DPP10: variants seen among roughly 807,000 people sequenced by gnomAD.
The protein encoded by DPP10 is inactive dipeptidyl peptidase 10.
Under a neutral mutation model 120.9 loss-of-function variants are expected in DPP10, and 33 were observed. The observed-to-expected ratio is 0.27, with a 90% CI of 0.21 to 0.37. The LOEUF is 0.37. Ranked by LOEUF, DPP10 falls within the 10% of genes least tolerant of loss-of-function variation. The pLI is 1.00. For missense variants in DPP10, 816 were observed against 942.8 expected, an observed-to-expected ratio of 0.87 and a Z score of 1.76; for synonymous variants, 337 against 326.1, an observed-to-expected ratio of 1.03 and a Z score of -0.36.
At chr2:115,002,201 AC>A (rs1701489001) in intron 1 of DPP10, among the ~76,000 whole-genome samples, 1 of 152,078 alleles carries the variant, frequency 6.6e-6, no homozygotes, top group African/African-American at 2.4e-5. Flanking sequence ...AGACACAGAG[AC>A]CAATGCAACA....
At chr2:115,814,678 A>C in intron 19 of DPP10, 115 bp from the exon 20 acceptor site, 1 of 786,790 alleles carries the variant, frequency 1.3e-6, no homozygotes, top group Non-Finnish European at 1.8e-6. Context: ...AATTAACAGA[A>C]ATTTTAATAG....
At chr2:115,842,188 C>T in intron 25 of DPP10, 23 bp from the exon 26 acceptor site, 1 of 1,553,094 alleles carries the variant, frequency 6.4e-7, no homozygotes, top group Non-Finnish European at 8.8e-7. Context: ...AATTTGAAAT[C>T]TTCTTTCTCC....
At chr2:115,204,756 A>T (rs1333513643) in intron 1 of DPP10, among the ~76,000 whole-genome samples, 6 of 152,162 alleles carry the variant, frequency 3.9e-5, no homozygotes. Flanking sequence ...GGAGCAGTGA[A>T]TACATGAGTG....
At chr2:114,637,868 T>A (rs752724072) in intron 1 of DPP10, among the ~76,000 whole-genome samples, 12 of 151,906 alleles carry the variant, frequency 7.9e-5, no homozygotes, top group Non-Finnish European at 1.5e-4. Context: ...ACCAGTGCCA[T>A]GCTGTTTTGG....
At chr2:115,353,078 A>G (rs1226999091) in intron 3 of DPP10, among the ~76,000 whole-genome samples, 1 of 152,098 alleles carries the variant, frequency 6.6e-6, no homozygotes, top group Admixed American at 6.6e-5. Context: ...GCCTAAAACA[A>G]TTAGGTGAAC....
intron 5 of DPP10, among the ~76,000 whole-genome samples, chr2:115,567,500 A>C (rs901685241): frequency 1.3e-5 from 2 of 150,800 alleles, no homozygotes; most frequent in Middle Eastern, 3.4e-3. Context: ...TGTAGTCTGG[A>C]TATCACTCCA....
intron 5 of DPP10, among the ~76,000 whole-genome samples, chr2:115,653,812 T>C (rs1466323047): frequency 2.0e-5 from 3 of 151,902 alleles, no homozygotes; most frequent in African/African-American, 7.2e-5. Context: ...TTAGTTATTT[T>C]GGCCAATCCC....
intron 5 of DPP10, among the ~76,000 whole-genome samples, chr2:115,529,109 AGATTTTAACT>A (rs1230574844): frequency 6.6e-6 from 1 of 152,120 alleles, no homozygotes; most frequent in Non-Finnish European, 1.5e-5. Context: ...TCAAAATAAA[AGATTTTAACT>A]TGAAAAAGCT....
intron 1 of DPP10, among the ~76,000 whole-genome samples, chr2:114,681,725 ACT>A (rs988534361): frequency 2.0e-5 from 3 of 151,780 alleles, no homozygotes; most frequent in Admixed American, 6.6e-5. Flanking sequence ...CCTTTGCCTG[ACT>A]CTACGTTAGA....
At chr2:114,623,234 C>T (rs770848431) in intron 1 of DPP10, among the ~76,000 whole-genome samples, 6 of 151,942 alleles carry the variant, frequency 3.9e-5, no homozygotes, top group African/African-American at 9.7e-5. Flanking sequence ...TAATGTGCAT[C>T]GTATGTTTGT....
chr2:114,598,828 G>A (rs2105213035), intron 1 of DPP10, among the ~76,000 whole-genome samples: 1 of 151,872 alleles, frequency 6.6e-6, no homozygotes, highest in East Asian at 1.9e-4. Flanking sequence ...AGACTCTTGA[G>A]GGAAATTTTT....
At chr2:114,509,669 C>T (rs1683972865) in intron 1 of DPP10, among the ~76,000 whole-genome samples, 1 of 152,120 alleles carries the variant, frequency 6.6e-6, no homozygotes, top group South Asian at 2.1e-4. Flanking sequence ...ATTGAGAGGG[C>T]TCCTGTCTAT....
intron 1 of DPP10, among the ~76,000 whole-genome samples, chr2:114,488,239 G>C (rs147373835): frequency 3.1e-4 from 47 of 152,282 alleles, no homozygotes; most frequent in African/African-American, 1.1e-3. Context: ...GGAAGCAACG[G>C]GACAGGGGTG....
intron 1 of DPP10, among the ~76,000 whole-genome samples, chr2:115,113,427 C>T (rs560217769): frequency 2.6e-5 from 4 of 152,034 alleles, no homozygotes; most frequent in Non-Finnish European, 5.9e-5. Context: ...ATCTTAGACA[C>T]GTTTTTTGCT....
chr2:115,045,973 G>A (rs540926416), intron 1 of DPP10, among the ~76,000 whole-genome samples: 2 of 150,732 alleles, frequency 1.3e-5, no homozygotes, highest in Non-Finnish European at 2.9e-5. Context: ...GCATAAGAGA[G>A]CCATTTTGTG....
chr2:115,575,805 G>T (rs1484810826), intron 5 of DPP10, among the ~76,000 whole-genome samples: 1 of 152,096 alleles, frequency 6.6e-6, no homozygotes, highest in Non-Finnish European at 1.5e-5. Context: ...ACCCTTAAAG[G>T]CATAAGAGGA....
chr2:115,642,171 A>G (rs1030370041), intron 5 of DPP10, among the ~76,000 whole-genome samples: 5 of 152,120 alleles, frequency 3.3e-5, no homozygotes, highest in African/African-American at 1.2e-4. Flanking sequence ...AAATGAGACA[A>G]TGCCTCATAC....
At chr2:115,465,067 A>G (rs148552545) in intron 3 of DPP10, among the ~76,000 whole-genome samples, 327 of 152,284 alleles carry the variant, frequency 2.1e-3, no homozygotes, top group African/African-American at 7.5e-3. Flanking sequence ...CAGAAAATAT[A>G]TTTAAAAAGC....
At chr2:115,644,773 A>T (rs986341927) in intron 5 of DPP10, among the ~76,000 whole-genome samples, 23 of 152,132 alleles carry the variant, frequency 1.5e-4, no homozygotes, top group African/African-American at 5.3e-4. Flanking sequence ...ACAGAGTGAG[A>T]CCTTGTCTCT....
Sources: allele counts gnomAD v4.1 joint callset (sites outside exome capture counted in the v4.1 genomes callset), GRCh38; gene constraint gnomAD v4.1.1; transcripts MANE v1.5; gene names NCBI Gene and HGNC (gene_info 2026-07-23, HGNC 2026-07-21).